The following COPB2 variants were observed in gnomAD, a reference collection of about 807,000 sequenced individuals.
The protein encoded by COPB2 is coat protein complex I subunit beta 2.
Under a neutral mutation model 120.8 loss-of-function variants are expected in COPB2, and 16 were observed. The ratio of observed to expected loss-of-function variants is 0.13; its 90% CI spans 0.09 to 0.20. The LOEUF is 0.20. COPB2 is among the 10% of genes least tolerant of loss of function. The probability of loss-of-function intolerance (pLI) is 1.00; values close to 1 mark genes in which losing one functional copy is unlikely to be tolerated. For synonymous variants in COPB2, 332 were observed against 366.3 expected, an observed-to-expected ratio of 0.91 and a Z score of 1.07; for missense variants, 794 against 1,076.5, an observed-to-expected ratio of 0.74 and a Z score of 3.67.
Position 139,369,251 on chromosome 3 carries a change from G to C in COPB2, c.1401+10C>G. 1.9e-6 allele frequency: 3 copies of C among 1,594,280 alleles called. No individual in the cohort carries two copies. The highest frequency in any genetic ancestry group is 2.3e-5 in the South Asian group (2 of 88,452). On this transcript the variant is annotated intron_variant, in intron 12 of 21. Transcript: ENST00000333188. The stretch of plus-strand genomic sequence containing the variant: ...AATATTCCAAAAACAACAATGGAGG[G>C]GAAACTCACATGTTTGGGCTGAATT...
At chr3:139,363,649 G>C (rs1231832597) in intron 15 of COPB2, among the ~76,000 whole-genome samples, 2 of 152,188 alleles carry the variant, frequency 1.3e-5, no homozygotes, top group African/African-American at 4.8e-5. Flanking sequence ...AAAAAGCTCA[G>C]GGATAGTTTA....
chr3:139,373,607 A>G (rs769711136), intron 8 of COPB2, 59 bp downstream of exon 8: 39 of 1,608,912 alleles, frequency 2.4e-5, no homozygotes, highest in Non-Finnish European at 3.2e-5. Context: ...TGACAGTACT[A>G]AAATACAAAG....
In COPB2 at chr3:139,373,338, C is replaced by G; in HGVS notation, c.969G>C (p.Gln323His). 1 of 1,614,168 alleles carries G rather than the reference C, an allele frequency of 6.2e-7. No homozygotes were observed. Among genetic ancestry groups the G allele is most frequent in the Non-Finnish European group, 8.5e-7 (1 of 1,180,038 alleles). ...KIIWAKHSEV[Q>H]QANLKAMGDA... ...CTCCCATTGCTTTTAGGTTGGCCTG[C>G]TGGACTTCTGAATGCTTGGCCCAAA... Residue 323 changes from glutamine to histidine, a missense_variant, in exon 9 of 22, where the codon CAG (glutamine) becomes CAC (histidine). Physicochemically the swap from Gln to His is conservative, Grantham distance 24. This residue lies in a region of COPB2 where 610 missense variants were observed against 866.7 expected (regional missense o/e 0.70). Coordinates refer to ENST00000333188, the MANE Select transcript of COPB2 (RefSeq NM_004766.3).
At chr3:139,366,994 T>C (rs773129905) in intron 14 of COPB2, 21 bp downstream of exon 14, 2 of 1,593,662 alleles carry the variant, frequency 1.3e-6, no homozygotes, top group South Asian at 1.1e-5. Flanking sequence ...TTAGGACAAA[T>C]GCAAAATGAT....
Position 139,362,533 on chromosome 3 carries a change from A to C in COPB2, c.1885-16T>G. ...GCTTGAAGCCCTAAACAGATTTTTA[A>C]AAATTATATATATTTATGCATACAA... On this transcript the variant is annotated splice_polypyrimidine_tract_variant and intron_variant, in intron 15 of 21. Coordinates refer to ENST00000333188, the MANE Select transcript of COPB2 (RefSeq NM_004766.3). The C allele has an allele frequency of 2.6e-6, 4 of 1,539,370 alleles. No homozygotes were observed. Among genetic ancestry groups the C allele is most frequent in the Non-Finnish European group, 3.5e-6 (4 of 1,132,298 alleles).
chr3:139,383,855 A>G (rs1319140431), intron 1 of COPB2, among the ~76,000 whole-genome samples: 1 of 152,212 alleles, frequency 6.6e-6, no homozygotes, highest in Non-Finnish European at 1.5e-5. Flanking sequence ...GTTTTTATGA[A>G]AAATAACTAT....
Position 139,366,693 on chromosome 3 carries a change from G to A in COPB2, c.1759C>T (p.Leu587=). ...DKELNIISYS[L]LVSVLEYQTA... ...TGGTATTCCAGGACTGAAACCAGCAGGGAATAGCTAATGATGTTCAATTCT... is the reference window on the plus strand; with the variant it reads ...TGGTATTCCAGGACTGAAACCAGCAAGGAATAGCTAATGATGTTCAATTCT... The change falls in exon 15 of 22, where the codon CTG becomes TTG. Residue 587 remains leucine, a synonymous_variant. Coordinates refer to ENST00000333188, the MANE Select transcript of COPB2 (RefSeq NM_004766.3). 1 of 1,614,092 alleles carries A rather than the reference G, an allele frequency of 6.2e-7. No individual in the cohort carries two copies. The highest frequency in any genetic ancestry group is 8.5e-7 in the Non-Finnish European group (1 of 1,179,978).
At chr3:139,359,511 T>G (rs1941370106) in intron 17 of COPB2, 149 bp from the exon 18 acceptor site, 1 of 691,766 alleles carries the variant, frequency 1.4e-6, no homozygotes, top group Non-Finnish European at 2.5e-6. Context: ...TTTTAATGGT[T>G]GTTAATCAAC....
In COPB2 at chr3:139,379,077, G is replaced by T; in HGVS notation, c.325C>A (p.Pro109Thr). Reference protein sequence around the residue: ...SDYIRCIAVHPTQPFILTSSD... With the variant: ...SDYIRCIAVHTTQPFILTSSD... ...CTAGTTAGAATGAAAGGCTGGGTTG[G>T]ATGAACAGCAATACAGCGAATGTAG... is the stretch of plus-strand genomic sequence containing the variant. Residue 109 changes from proline (P) to threonine (T), a missense_variant, in exon 4 of 22, where the codon CCA becomes ACA. Pro to Thr is a conservative substitution (Grantham distance 38, BLOSUM62 -1). Coordinates refer to ENST00000333188, the MANE Select transcript of COPB2 (RefSeq NM_004766.3). 1.2e-6 allele frequency: 2 copies of T among 1,608,500 alleles called. No homozygotes were observed. Among genetic ancestry groups the T allele is most frequent in the Non-Finnish European group, 1.7e-6 (2 of 1,178,504 alleles).
rs1377590017 is a variant in COPB2, at chr3:139,367,150, A to G, written c.1546-5T>C. ...TTCCTGAATCTCACCAAGAACCTGCAGAAAGAAAAATAAAGACAATTACTT... is the reference window on the plus strand; with the variant it reads ...TTCCTGAATCTCACCAAGAACCTGCGGAAAGAAAAATAAAGACAATTACTT... On this transcript the variant is annotated splice_polypyrimidine_tract_variant and splice_region_variant and intron_variant, in intron 13 of 21. Coordinates refer to ENST00000333188, the MANE Select transcript of COPB2 (RefSeq NM_004766.3). 2 of 1,610,958 alleles carry G rather than the reference A, an allele frequency of 1.2e-6. No individual in the cohort carries two copies. Among genetic ancestry groups the G allele is most frequent in the Non-Finnish European group, 1.7e-6 (2 of 1,179,230 alleles).
intron 17 of COPB2, among the ~76,000 whole-genome samples, chr3:139,360,404 G>C (rs1941393903): frequency 6.6e-6 from 1 of 151,192 alleles, no homozygotes; most frequent in Non-Finnish European, 1.5e-5. Flanking sequence ...TGTAATCCCA[G>C]CTACTTGGGA....
At chr3:139,366,107 G>C (rs1941509726) in intron 15 of COPB2, among the ~76,000 whole-genome samples, 1 of 152,088 alleles carries the variant, frequency 6.6e-6, no homozygotes, top group Non-Finnish European at 1.5e-5. Context: ...TTACCTCTAG[G>C]GAGTAGAAAG....
At position 139,366,995 on chromosome 3, in the gene COPB2, G is replaced by A. The variant is rs1295589372; in HGVS notation, c.1676+20C>T. On this transcript the variant is annotated intron_variant, in intron 14 of 21. Coordinates refer to ENST00000333188, the MANE Select transcript of COPB2 (RefSeq NM_004766.3). Reference sequence around the variant, plus strand: ...ACACACTTTAAAATTTAGGACAAATGCAAAATGATACTCAGGTACCTGTCC... The same window carrying A: ...ACACACTTTAAAATTTAGGACAAATACAAAATGATACTCAGGTACCTGTCC... 11 of 1,593,558 alleles carry A rather than the reference G, an allele frequency of 6.9e-6. No individual in the cohort carries two copies. Among genetic ancestry groups the A allele is most frequent in the Non-Finnish European group, 9.4e-6 (11 of 1,171,756 alleles).
chr3:139,373,200 G>A lies in COPB2; in HGVS notation c.1094+13C>T. On this transcript the variant is annotated intron_variant, in intron 9 of 21. Coordinates refer to ENST00000333188, the MANE Select transcript of COPB2 (RefSeq NM_004766.3). ...TACACAGAAGCTGAGGGACAATTTT[G>A]GTGATGGCTTACCGCCCATTAGGAT... 1 of 1,613,256 alleles carries A rather than the reference G, an allele frequency of 6.2e-7. No homozygotes were observed. Among genetic ancestry groups the A allele is most frequent in the Non-Finnish European group, 8.5e-7 (1 of 1,179,270 alleles).
chr3:139,362,314 G>T, intron 16 of COPB2, 93 bp downstream of exon 16: 1 of 726,584 alleles, frequency 1.4e-6, no homozygotes, highest in Non-Finnish European at 2.1e-6. Context: ...ATTTGCATTT[G>T]GGAAAACTTT....
chr3:139,383,233 T>C (rs1214829916), intron 2 of COPB2, 65 bp downstream of exon 2: 1 of 1,555,436 alleles, frequency 6.4e-7, no homozygotes, highest in African/African-American at 1.4e-5. Context: ...ATATTTCTTC[T>C]CTTTCATTAT....
intron 5 of COPB2, 36 bp from the exon 6 acceptor site, chr3:139,375,650 G>A (rs1274578987): frequency 6.3e-7 from 1 of 1,597,906 alleles, no homozygotes; most frequent in African/African-American, 1.3e-5. Flanking sequence ...GTCAATATGG[G>A]GCCTTGCTTT....
At chr3:139,367,209 GAATAT>G in intron 13 of COPB2, 64 bp from the exon 14 acceptor site, 1 of 1,550,868 alleles carries the variant, frequency 6.4e-7, no homozygotes, top group Non-Finnish European at 8.8e-7. Flanking sequence ...ATAAAAAGCT[GAATAT>G]ATCTGAGGGT....
chr3:139,358,131 C>T (rs192781165), intron 21 of COPB2, 69 bp downstream of exon 21: 38 of 1,387,386 alleles, frequency 2.7e-5, no homozygotes, highest in Middle Eastern at 3.6e-4. Context: ...CAGAGGCCTA[C>T]GTATCCTCCA....
Sources: allele counts gnomAD v4.1 joint callset (sites outside exome capture counted in the v4.1 genomes callset), GRCh38; gene constraint gnomAD v4.1.1; regional missense constraint gnomAD v4.1.1; transcripts MANE v1.5; gene names NCBI Gene and HGNC (gene_info 2026-07-23, HGNC 2026-07-21).